MED1: variants seen among roughly 807,000 people sequenced by gnomAD.
MED1 encodes mediator complex subunit 1.
Under a neutral mutation model 121.3 loss-of-function variants are expected in MED1, and 17 were observed. That is an observed-to-expected ratio of 0.14 (90% CI 0.10 to 0.21). The LOEUF (loss-of-function observed/expected upper bound fraction) is 0.21, where lower values mean the gene tolerates loss of function less well. MED1 is among the 10% of genes least tolerant of loss of function. The probability of loss-of-function intolerance (pLI) is 1.00; values close to 1 mark genes in which losing one functional copy is unlikely to be tolerated. For missense variants in MED1, 1,558 were observed against 1,919.4 expected (o/e 0.81, Z 3.52); for synonymous variants, 661 against 694.4 (o/e 0.95, Z 0.76).
At chr17:39,424,040 G>A (rs1026221057) in intron 11 of MED1, among the ~76,000 whole-genome samples, 15 of 152,034 alleles carry the variant, frequency 9.9e-5, no homozygotes, top group Non-Finnish European at 1.8e-4. Context: ...CCGCCACCAC[G>A]CCCGGCTAAT....
chr17:39,421,375 C>A lies in MED1; in HGVS notation c.1096-1457G>T, dbSNP rs1294530713. Among the ~76,000 whole-genome samples, 11 of 151,480 alleles carry A rather than the reference C, an allele frequency of 7.3e-5. No homozygotes were observed. The East Asian group carries it at 2.2e-3, about 30-fold the overall frequency. The stretch of plus-strand genomic sequence containing the variant: ...GACCAATCTGGCCAACATGGTAAAA[C>A]CCCGTCTCTACTAAAAATACAAAAA... On this transcript the variant is annotated intron_variant, in intron 13 of 16. Coordinates refer to ENST00000300651, the MANE Select transcript of MED1 (RefSeq NM_004774.4).
chr17:39,444,692 A>T (rs2048709357), intron 2 of MED1, among the ~76,000 whole-genome samples: 1 of 151,562 alleles, frequency 6.6e-6, no homozygotes, highest in African/African-American at 2.4e-5. Context: ...AACATAGTGA[A>T]ACCCCATCTC....
intron 6 of MED1, among the ~76,000 whole-genome samples, chr17:39,437,329 C>T (rs1166596261): frequency 2.0e-5 from 3 of 152,104 alleles, no homozygotes; most frequent in African/African-American, 4.8e-5. Context: ...CTGCTCACTT[C>T]GACCTCCCAA....
chr17:39,411,068 C>T (rs1023701303), intron 16 of MED1, among the ~76,000 whole-genome samples: 1 of 152,198 alleles, frequency 6.6e-6, no homozygotes. Context: ...CGCCTGTAAT[C>T]CCAGCACTTT....
chr17:39,425,208 A>G (rs780109574), intron 10 of MED1, among the ~76,000 whole-genome samples: 2 of 151,010 alleles, frequency 1.3e-5, no homozygotes, highest in Admixed American at 6.6e-5. Context: ...TTATTTTTTT[A>G]TTGGAGGCAG....
intron 7 of MED1, 47 bp from the exon 8 acceptor site, chr17:39,432,063 AC>A: frequency 7.0e-7 from 1 of 1,430,342 alleles, no homozygotes; most frequent in Non-Finnish European, 9.8e-7. Context: ...GAAAAATATG[AC>A]CAAGCGGGGT....
chr17:39,428,036 G>A (rs914358722), intron 9 of MED1, among the ~76,000 whole-genome samples: 6 of 152,028 alleles, frequency 3.9e-5, no homozygotes, highest in Non-Finnish European at 8.8e-5. Context: ...GGTCAACACA[G>A]TCAGACTCCA....
rs1256036143 is a variant in MED1, at chr17:39,405,321, C to T, written c.*2154G>A. ...GGGATTCTTTGATCTGGGATGAAGACAGAAAGAGAGAAAAGCTTCCCAGTT... is the reference window on the plus strand; with the variant it reads ...GGGATTCTTTGATCTGGGATGAAGATAGAAAGAGAGAAAAGCTTCCCAGTT... On this transcript the variant is annotated 3_prime_UTR_variant, in exon 17 of 17. Coordinates refer to ENST00000300651, the MANE Select transcript of MED1 (RefSeq NM_004774.4). 3.1e-6 allele frequency: 5 copies of T among 1,601,256 alleles called. No homozygotes were observed. In the Admixed American group the frequency reaches 6.9e-5, roughly 22 times the overall value.
chr17:39,446,697 C>T (rs1226438351), intron 2 of MED1, among the ~76,000 whole-genome samples: 1 of 151,502 alleles, frequency 6.6e-6, no homozygotes, highest in African/African-American at 2.4e-5. Flanking sequence ...TCTCTTGAAC[C>T]TAAGAGGCAG....
At position 39,408,375 on chromosome 17, in the gene MED1, G is replaced by A. The variant is rs1445441503; in HGVS notation, c.3846C>T (p.Ser1282=). Residue 1282 remains serine (S), a synonymous_variant, in exon 17 of 17, where the codon TCC becomes TCT. Transcript: ENST00000300651. This position sits in a 1 kb window ranked among gnomAD's most constrained non-coding sequence, Gnocchi z 4.7. ...TAGAACTCCCATGCTGGTTCTGAGAGGATGACATGGAAGAGCCACTTGAGG... is the reference window on the plus strand; with the variant it reads ...TAGAACTCCCATGCTGGTTCTGAGAAGATGACATGGAAGAGCCACTTGAGG... The part of the protein sequence containing the change: ...SFSSSGSSMS[S]SQNQHGSSKG... 14 of 1,614,076 alleles carry A rather than the reference G, an allele frequency of 8.7e-6. No homozygotes were observed. Among genetic ancestry groups the A allele is most frequent in the Non-Finnish European group, 1.1e-5 (13 of 1,180,048 alleles).
chr17:39,436,495 T>C, intron 6 of MED1, among the ~76,000 whole-genome samples: 1 of 151,558 alleles, frequency 6.6e-6, no homozygotes, highest in South Asian at 2.1e-4. Context: ...GTGTATGTAA[T>C]AACTTCCTTA....
chr17:39,431,031 A>G, intron 9 of MED1, 84 bp downstream of exon 9: 1 of 1,300,238 alleles, frequency 7.7e-7, no homozygotes, highest in South Asian at 1.2e-5. Flanking sequence ...AAAAATAAAC[A>G]AACAAACTAA....
intron 8 of MED1, among the ~76,000 whole-genome samples, chr17:39,431,587 TATA>T (rs774970068): frequency 6.6e-6 from 1 of 152,180 alleles, no homozygotes; most frequent in Non-Finnish European, 1.5e-5. Context: ...CCCAAAGTCT[TATA>T]ATACTATCAT....
rs780500401 is a variant in MED1, at chr17:39,408,341, A to G, written c.3880T>C (p.Ser1294Pro). The G allele has an allele frequency of 6.2e-7, 1 of 1,613,860 alleles. No homozygotes were observed. Among genetic ancestry groups the G allele is most frequent in the Non-Finnish European group, 8.5e-7 (1 of 1,179,998 alleles). ...GACGGCTTCTTGTTTCTGCTGGGAGATTTTCCTTTAGAACTCCCATGCTGG... is the reference window on the plus strand; with the variant it reads ...GACGGCTTCTTGTTTCTGCTGGGAGGTTTTCCTTTAGAACTCCCATGCTGG... ...QNQHGSSKGK[S>P]PSRNKKPSLT... Residue 1294 changes from serine to proline, a missense_variant, in exon 17 of 17, where the codon TCT becomes CCT. Physicochemically the swap from Ser to Pro is moderately conservative, Grantham distance 74. Transcript: ENST00000300651. The surrounding 1 kb of genome is among the most constrained non-coding windows in gnomAD (Gnocchi z 4.7).
Position 39,440,672 on chromosome 17 carries a change from A to G in MED1, c.217T>C (p.Ser73Pro). ...ETLQKALKVT[S>P]LPAMTDRLES... ...AAACGATCAGTCATTGCTGGTAAAGATGTTACTATAAAAGGATGAAAAAAG... is the reference window on the plus strand; with the variant it reads ...AAACGATCAGTCATTGCTGGTAAAGGTGTTACTATAAAAGGATGAAAAAAG... The change falls in exon 4 of 17, where the codon TCT (serine) becomes CCT (proline). Residue 73 changes from serine (S) to proline (P), a missense_variant. Physicochemically the swap from Ser to Pro is moderately conservative, Grantham distance 74. Coordinates refer to ENST00000300651, the MANE Select transcript of MED1 (RefSeq NM_004774.4). This position sits in a 1 kb window ranked among gnomAD's most constrained non-coding sequence, Gnocchi z 4.1. 6.2e-7 allele frequency: 1 copy of G among 1,612,702 alleles called. No individual in the cohort carries two copies. The highest frequency in any genetic ancestry group is 8.5e-7 in the Non-Finnish European group (1 of 1,179,204).
rs767642614 is a variant in MED1, at chr17:39,408,420, C to A, written c.3801G>T (p.Thr1267=). The A allele has an allele frequency of 6.2e-7, 1 of 1,614,086 alleles. No individual in the cohort carries two copies. The highest frequency in any genetic ancestry group is 8.5e-7 in the Non-Finnish European group (1 of 1,180,024). The change falls in exon 17 of 17, where the codon ACG becomes ACT. Residue 1267 remains threonine, a synonymous_variant. Transcript: ENST00000300651. The surrounding 1 kb of genome is among the most constrained non-coding windows in gnomAD (Gnocchi z 4.7). The part of the protein sequence containing the change: ...QKTPPSSNSC[T]ASSSSFSSSG... ...TTGAGGAAAAGGAGGAGGAAGATGC[C>A]GTACAGGAATTAGATGATGGGGGAG...
intron 1 of MED1, among the ~76,000 whole-genome samples, chr17:39,448,131 C>T (rs1339041613): frequency 2.7e-5 from 4 of 150,602 alleles, no homozygotes; most frequent in African/African-American, 7.4e-5. Context: ...TGTTATCTAT[C>T]CACCTTTTTT....
rs759332226 is a variant in MED1 at position 39,415,284 on chromosome 17, G to A, written c.1353C>T (p.Ser451=). Residue 451 remains serine, a synonymous_variant, in exon 15 of 17, where the codon AGC becomes AGT. Transcript: ENST00000300651. ...CATTCACAGGGTGCTGAAAAGATACGCTGAAACGAGACTCTGAGAGAGGAC... is the reference window on the plus strand; with the variant it reads ...CATTCACAGGGTGCTGAAAAGATACACTGAAACGAGACTCTGAGAGAGGAC... ...EVCPLSESRF[S]VSFQHPVNDS... is the part of the protein sequence containing the mutation. The A allele has an allele frequency of 9.9e-6, 16 of 1,613,910 alleles. No individual in the cohort carries two copies. The highest frequency in any genetic ancestry group is 8.8e-5 in the South Asian group (8 of 91,066).
intron 13 of MED1, among the ~76,000 whole-genome samples, chr17:39,420,348 C>T (rs191763032): frequency 3.7e-4 from 56 of 151,830 alleles, no homozygotes; most frequent in Admixed American, 1.3e-3. Context: ...TATAGGCACC[C>T]GCCACCACGC....
Sources: allele counts gnomAD v4.1 joint callset (sites outside exome capture counted in the v4.1 genomes callset), GRCh38; gene constraint gnomAD v4.1.1; non-coding constraint Gnocchi (gnomAD v3.1); transcripts MANE v1.5; gene names NCBI Gene and HGNC (gene_info 2026-07-23, HGNC 2026-07-21).